Variants in POMGNT1 observed in about 807,000 individuals in gnomAD.
The protein encoded by POMGNT1 is protein O-linked-mannose beta-1,2-N-acetylglucosaminyltransferase 1.
In POMGNT1, 67 loss-of-function variants were observed where a neutral mutation model predicts 95.6. The ratio of observed to expected loss-of-function variants is 0.70; its 90% CI spans 0.58 to 0.86. POMGNT1 has a LOEUF of 0.86. Among genes scored for constraint, POMGNT1 ranks in the 40% least tolerant of loss-of-function variants. The pLI is 0.00. For missense variants in POMGNT1, 719 were observed against 855.2 expected (o/e 0.84, Z 1.99); for synonymous variants, 298 against 317.9 (o/e 0.94, Z 0.66).
chr1:46,188,964 T>C lies in POMGNT1; in HGVS notation c.*306A>G. ...CCCTCAGGACAGTCAATAAATAGGT[T>C]AGATTCTGAGCCAGGCCTGGAAAGT... On this transcript the variant is annotated 3_prime_UTR_variant, in exon 22 of 22. Coordinates refer to ENST00000371984, the MANE Select transcript of POMGNT1 (RefSeq NM_017739.4). 6.2e-7 allele frequency: 1 copy of C among 1,611,050 alleles called. No homozygotes were observed. The highest frequency in any genetic ancestry group is 8.5e-7 in the Non-Finnish European group (1 of 1,178,650).
At position 46,192,312 on chromosome 1, in the gene POMGNT1, T is replaced by C. The variant is rs781221088; in HGVS notation, c.1409A>G (p.Glu470Gly). The change falls in exon 16 of 22, where the codon GAA (glutamate) becomes GGA (glycine). Residue 470 changes from glutamate (E) to glycine (G), a missense_variant. Physicochemically the swap from Glu to Gly is moderately conservative, Grantham distance 98 (BLOSUM62 -2). Around this residue, in one of 5 missense-constraint regions of POMGNT1, gnomAD observed 118 missense variants for 153.6 expected, o/e 0.77. Coordinates refer to ENST00000371984, the MANE Select transcript of POMGNT1 (RefSeq NM_017739.4). Reference sequence around the variant, plus strand: ...TCACCCTACCCTGACAGTTACCTTTTCCGGTGTAGGCCACTTGGGCTCAAG... The same window carrying C: ...TCACCCTACCCTGACAGTTACCTTTCCCGGTGTAGGCCACTTGGGCTCAAG... Reference protein sequence around the residue: ...EELEPKWPTPEKLWDWDMWMR... With the variant: ...EELEPKWPTPGKLWDWDMWMR... 21 of 1,614,020 alleles carry C rather than the reference T, an allele frequency of 1.3e-5. No individual in the cohort carries two copies. Among genetic ancestry groups the C allele is most frequent in the Non-Finnish European group, 1.4e-5 (17 of 1,180,028 alleles).
intron 1 of POMGNT1, chr1:46,203,592 G>C: frequency 6.3e-7 from 1 of 1,591,162 alleles, no homozygotes. Flanking sequence ...CCACGACTTG[G>C]GGGACAAGAT....
At chr1:46,199,531 G>A (rs1442332841), upstream of POMGNT1, among the ~76,000 whole-genome samples, 1 of 152,208 alleles carries the variant, frequency 6.6e-6, no homozygotes, top group Non-Finnish European at 1.5e-5. Flanking sequence ...GTGGTCTGGG[G>A]CAGGGTGGGA....
chr1:46,201,500 C>G (rs1571677783), upstream of POMGNT1, among the ~76,000 whole-genome samples: 1 of 151,834 alleles, frequency 6.6e-6, no homozygotes, highest in East Asian at 1.9e-4. Flanking sequence ...GAGTTCGAGA[C>G]CAGCCTGACC....
intron 16 of POMGNT1, 36 bp downstream of exon 16, chr1:46,192,272 G>A (rs1657837089): frequency 6.2e-7 from 1 of 1,614,028 alleles, no homozygotes. Flanking sequence ...GAGTTGGTAG[G>A]GGACTCCAGC....
chr1:46,217,427 A>T (rs542716548), intron 1 of POMGNT1, among the ~76,000 whole-genome samples: 1 of 152,366 alleles, frequency 6.6e-6, no homozygotes, highest in South Asian at 2.1e-4. Flanking sequence ...AAGTAACTAT[A>T]GTAAACTACA....
At chr1:46,193,808 A>G (rs1239711392) in intron 10 of POMGNT1, 47 bp downstream of exon 10, 1 of 1,611,318 alleles carries the variant, frequency 6.2e-7, no homozygotes, top group South Asian at 1.1e-5. Context: ...TAGATGACCT[A>G]AGCACCCTCC....
At chr1:46,197,660 G>A in intron 2 of POMGNT1, 42 bp downstream of exon 2, 1 of 1,613,132 alleles carries the variant, frequency 6.2e-7, no homozygotes, top group Non-Finnish European at 8.5e-7. Flanking sequence ...GAGGAAGCTG[G>A]GAGGGAGCGC....
intron 7 of POMGNT1, 68 bp downstream of exon 7, chr1:46,194,776 C>A: frequency 6.2e-7 from 1 of 1,613,274 alleles, no homozygotes; most frequent in Non-Finnish European, 8.5e-7. Context: ...CACCCCACCC[C>A]ATCTCCTAGG....
intron 1 of POMGNT1, among the ~76,000 whole-genome samples, chr1:46,217,791 AGG>A (rs1035592995): frequency 4.0e-4 from 61 of 152,284 alleles, no homozygotes; most frequent in African/African-American, 1.4e-3. Context: ...CTGGAGGCGG[AGG>A]TTGCAGTGAG....
At chr1:46,215,969 A>G (rs922433222) in intron 1 of POMGNT1, among the ~76,000 whole-genome samples, 3 of 151,822 alleles carry the variant, frequency 2.0e-5, no homozygotes, top group Non-Finnish European at 4.4e-5. Context: ...CTGGAATTCT[A>G]TATCCTGCCA....
chr1:46,190,604 G>C, intron 18 of POMGNT1, 87 bp from the exon 19 acceptor site: 1 of 1,533,378 alleles, frequency 6.5e-7, no homozygotes, highest in Non-Finnish European at 9.0e-7. Flanking sequence ...GGTCACATGG[G>C]AATCTGTAGC....
Position 46,193,571 on chromosome 1 carries a change from T to G in POMGNT1, c.1019A>C (p.Tyr340Ser), listed in dbSNP as rs1657966522. The G allele has an allele frequency of 1.2e-6, 2 of 1,614,096 alleles. No homozygotes were observed. The highest frequency in any genetic ancestry group is 2.2e-5 in the South Asian group (2 of 91,090). ...CCCCCAAGTCCTGCTCACCTCATAG[T>G]AGCCGTCAATGAAAACTGTTATCAT... is the stretch of plus-strand genomic sequence containing the variant. ...PQMITVFIDG[Y>S]YEEPMDVVAL... The change falls in exon 11 of 22, where the codon TAC becomes TCC. Residue 340 changes from tyrosine (Y) to serine (S), a missense_variant. By Grantham distance (144) the Tyr-to-Ser change is moderately radical. Coordinates refer to ENST00000371984, the MANE Select transcript of POMGNT1 (RefSeq NM_017739.4).
intron 2 of POMGNT1, 70 bp from the exon 3 acceptor site, chr1:46,197,154 G>A (rs145349826): frequency 3.1e-6 from 5 of 1,611,572 alleles, no homozygotes; most frequent in African/African-American, 1.3e-5. Flanking sequence ...TCTGAAAGGA[G>A]GGCCCTGGCT....
At position 46,192,242 on chromosome 1, in the gene POMGNT1, G is replaced by A. The variant is rs978565899; in HGVS notation, c.1414-19C>T. ...CCCAGAGCTGGCAGACATGGACCAC[G>A]ATGAAGGTTAAGATGTTTCGAGTTG... On this transcript the variant is annotated intron_variant, in intron 16 of 21. Coordinates refer to ENST00000371984, the MANE Select transcript of POMGNT1 (RefSeq NM_017739.4). The A allele has an allele frequency of 2.5e-6, 4 of 1,614,174 alleles. No individual in the cohort carries two copies. The highest frequency in any genetic ancestry group is 1.6e-4 in the Middle Eastern group (1 of 6,062).
intron 10 of POMGNT1, 23 bp downstream of exon 10, chr1:46,193,832 G>A (rs377015855): frequency 9.2e-5 from 149 of 1,613,464 alleles, no homozygotes; most frequent in East Asian, 1.3e-4. Context: ...TCAGTGCTGG[G>A]TATAGCCCAT....
rs372610527 is a variant in POMGNT1 at position 46,190,756 on chromosome 1, T to C, written c.1568A>G (p.Asn523Ser). ...CCTGAGCTGGACACCTGGAACCGTGTTGAACTTGTGCTTCTTGAAGTAGGC... is the reference window on the plus strand; with the variant it reads ...CCTGAGCTGGACACCTGGAACCGTGCTGAACTTGTGCTTCTTGAAGTAGGC... ...HEAYFKKHKF[N>S]TVPGVQLRNV... The change falls in exon 18 of 22, where the codon AAC becomes AGC. Residue 523 changes from asparagine (N) to serine (S), a missense_variant. Around this residue, in one of 5 missense-constraint regions of POMGNT1, gnomAD observed 118 missense variants for 153.6 expected, o/e 0.77. Transcript: ENST00000371984. 5.6e-6 allele frequency: 9 copies of C among 1,613,850 alleles called. No homozygotes were observed. In the African/African-American group the frequency reaches 1.2e-4, roughly 22 times the overall value.
chr1:46,197,154 G>C, intron 2 of POMGNT1, 70 bp from the exon 3 acceptor site: 1 of 1,611,572 alleles, frequency 6.2e-7, no homozygotes, highest in Non-Finnish European at 8.5e-7. Context: ...TCTGAAAGGA[G>C]GGCCCTGGCT....
upstream of POMGNT1, chr1:46,198,542 T>C (rs12089669): frequency 9.5e-3 from 726 of 76,438 alleles, 12 homozygotes; most frequent in African/African-American, 0.018. Context: ...GCGGCGGCGG[T>C]GGCGGCAGCG....
Sources: gnomAD v4.1 joint callset for allele counts (sites outside exome capture counted in the v4.1 genomes callset) on GRCh38, gnomAD v4.1.1 for gene constraint, gnomAD v4.1.1 regional missense constraint, MANE v1.5 for transcripts, NCBI Gene and HGNC (gene_info 2026-07-23, HGNC 2026-07-21) for gene names.